The following KMT2E variants were observed in gnomAD, a reference collection of about 807,000 sequenced individuals.
KMT2E encodes histone reader KMT2E.
In KMT2E, 30 loss-of-function variants were observed where a neutral mutation model predicts 184.6. That is an observed-to-expected ratio of 0.16 (90% CI 0.12 to 0.22). KMT2E has a LOEUF of 0.22. KMT2E is among the 10% of genes least tolerant of loss of function. The probability of loss-of-function intolerance (pLI) is 1.00; values close to 1 mark genes in which losing one functional copy is unlikely to be tolerated. For synonymous variants in KMT2E, 815 were observed against 776.5 expected, an observed-to-expected ratio of 1.05 and a Z score of -0.82; for missense variants, 2,023 against 2,237.4, an observed-to-expected ratio of 0.90 and a Z score of 1.93.
intron 1 of KMT2E, among the ~76,000 whole-genome samples, chr7:105,027,187 TCCTCCCACCTCAG>T (rs376300585): frequency 7.4e-5 from 11 of 149,102 alleles, no homozygotes; most frequent in African/African-American, 2.7e-4. Context: ...GCTCAAGTGA[TCCTCCCACCTCAG>T]CCTCCCAAGT....
rs1347783540 is a variant in KMT2E at position 105,023,421 on chromosome 7, AAGAG to A, written c.-189+8890_-189+8893del. Among the ~76,000 whole-genome samples the A allele has an allele frequency of 8.3e-4, 124 of 149,870 alleles. 1 individual carries two copies. Among genetic ancestry groups the A allele is most frequent in the African/African-American group, 1.6e-3 (64 of 40,690 alleles). On this transcript the variant is annotated intron_variant, in intron 1 of 26. Transcript: ENST00000311117. The stretch of plus-strand genomic sequence containing the variant: ...CTGTCTCAAAAAAAAAAAAAAAAAA[AAGAG>A]AGACAAAAATTCATTAAGCAATTTT...
At chr7:105,019,537 C>A (rs1181247605) in intron 1 of KMT2E, among the ~76,000 whole-genome samples, 1 of 152,148 alleles carries the variant, frequency 6.6e-6, no homozygotes, top group Non-Finnish European at 1.5e-5. Context: ...GACACTACGT[C>A]TTTTAATGAG....
intron 12 of KMT2E, among the ~76,000 whole-genome samples, chr7:105,079,394 C>T (rs569526895): frequency 1.3e-5 from 2 of 151,914 alleles, no homozygotes; most frequent in Admixed American, 1.3e-4. Flanking sequence ...TCTCAGCCTC[C>T]CAAAATGCTG....
At chr7:105,080,860 A>G (rs181944542) in intron 12 of KMT2E, among the ~76,000 whole-genome samples, 1 of 152,082 alleles carries the variant, frequency 6.6e-6, no homozygotes, top group East Asian at 1.9e-4. Flanking sequence ...AAAATTAGCC[A>G]GGTGTGGTGG....
At chr7:105,060,408 A>T (rs1796766810) in intron 3 of KMT2E, among the ~76,000 whole-genome samples, 1 of 151,374 alleles carries the variant, frequency 6.6e-6, no homozygotes, top group Admixed American at 6.6e-5. Flanking sequence ...TATCTTTTTT[A>T]TTGTTTTTTT....
At chr7:105,057,977 G>C (rs11973516) in intron 3 of KMT2E, among the ~76,000 whole-genome samples, 4 of 151,966 alleles carry the variant, frequency 2.6e-5, no homozygotes, top group Non-Finnish European at 1.5e-5. Context: ...CACACATTGC[G>C]TTTGCTTGAA....
chr7:105,069,062 T>C (rs1247604095), intron 6 of KMT2E, among the ~76,000 whole-genome samples: 2 of 152,170 alleles, frequency 1.3e-5, no homozygotes, highest in East Asian at 1.9e-4. Context: ...AAAGAAGATA[T>C]CTGGTGTGAC....
Position 105,112,398 on chromosome 7 carries a change from C to T in KMT2E, c.4642C>T (p.Pro1548Ser). The T allele has an allele frequency of 6.2e-7, 1 of 1,612,496 alleles. No homozygotes were observed. The highest frequency in any genetic ancestry group is 8.5e-7 in the Non-Finnish European group (1 of 1,179,642). The change falls in exon 27 of 27, where the codon CCT becomes TCT. Residue 1548 changes from proline (P) to serine (S), a missense_variant. By Grantham distance (74) the Pro-to-Ser change is moderately conservative. Transcript: ENST00000311117. ...SLNSTAPPPPPPPPPSSSYYQ... is the reference protein window; with the variant it reads ...SLNSTAPPPPSPPPPSSSYYQ... The stretch of plus-strand genomic sequence containing the variant: ...GAACAGCACGGCACCACCCCCTCCA[C>T]CTCCTCCACCTCCTTCTTCGTCTTA...
At chr7:105,019,035 A>C (rs1347209010) in intron 1 of KMT2E, among the ~76,000 whole-genome samples, 1 of 152,150 alleles carries the variant, frequency 6.6e-6, no homozygotes, top group African/African-American at 2.4e-5. Context: ...CAATTGCAAT[A>C]TTTTTAATAG....
intron 13 of KMT2E, among the ~76,000 whole-genome samples, chr7:105,085,982 ATTTC>A (rs760808742): frequency 1.3e-5 from 2 of 151,942 alleles, no homozygotes; most frequent in African/African-American, 2.4e-5. Context: ...CTTTAATTTG[ATTTC>A]TTTAACATTT....
chr7:105,108,688 T>C (rs772919062), intron 22 of KMT2E: 2 of 459,814 alleles, frequency 4.3e-6, no homozygotes, highest in Non-Finnish European at 8.1e-6. Flanking sequence ...TCCTCATCTA[T>C]AAAATGGGGA....
chr7:105,103,103 A>G (rs1190320915), intron 17 of KMT2E: 1 of 152,224 alleles, frequency 6.6e-6, no homozygotes, highest in Non-Finnish European at 1.5e-5. Flanking sequence ...TGCCTGTAAC[A>G]ATGGACAAAA....
intron 26 of KMT2E, 42 bp from the exon 27 acceptor site, chr7:105,111,782 CA>C: frequency 6.4e-7 from 1 of 1,553,218 alleles, no homozygotes; most frequent in Non-Finnish European, 8.7e-7. Context: ...TCAAGGTACA[CA>C]AAATGTTCCT....
intron 6 of KMT2E, among the ~76,000 whole-genome samples, chr7:105,067,238 GTTT>G (rs1797069504): frequency 6.6e-6 from 1 of 151,702 alleles, no homozygotes. Context: ...AGTTTATAGG[GTTT>G]TTACTTTATT....
intron 2 of KMT2E, 173 bp downstream of exon 2, chr7:105,038,372 T>A (rs1352928715): frequency 6.6e-6 from 1 of 152,132 alleles, no homozygotes; most frequent in East Asian, 1.9e-4. Context: ...TATAACTTTT[T>A]TTTTTTTTTG....
At chr7:105,044,462 C>T (rs1440223753) in intron 3 of KMT2E, among the ~76,000 whole-genome samples, 3 of 152,124 alleles carry the variant, frequency 2.0e-5, no homozygotes, top group African/African-American at 7.2e-5. Flanking sequence ...GATATGGGCA[C>T]TGAGACCCCA....
chr7:105,068,169 G>C (rs1466105128), intron 6 of KMT2E, among the ~76,000 whole-genome samples: 1 of 152,058 alleles, frequency 6.6e-6, no homozygotes, highest in Admixed American at 6.6e-5. Flanking sequence ...AGTTTTGCCA[G>C]TTGTATTCCC....
At chr7:105,048,577 A>T (rs1464575591) in intron 3 of KMT2E, among the ~76,000 whole-genome samples, 1 of 150,948 alleles carries the variant, frequency 6.6e-6, no homozygotes, top group Non-Finnish European at 1.5e-5. Context: ...TGTTAAAAAA[A>T]TACGTGTGTG....
At chr7:105,045,654 A>G (rs1317178893) in intron 3 of KMT2E, among the ~76,000 whole-genome samples, 1 of 152,176 alleles carries the variant, frequency 6.6e-6, no homozygotes, top group African/African-American at 2.4e-5. Context: ...ATAATAGTCC[A>G]TTGTATAGAT....
Sources: allele counts gnomAD v4.1 joint callset (sites outside exome capture counted in the v4.1 genomes callset), GRCh38; gene constraint gnomAD v4.1.1; transcripts MANE v1.5; gene names NCBI Gene and HGNC (gene_info 2026-07-23, HGNC 2026-07-21).